The following FHIP1A variants were observed in gnomAD, a reference collection of about 807,000 sequenced individuals.
FHIP1A encodes the protein FHF complex subunit HOOK interacting protein 1A.
Under a neutral mutation model 88.6 loss-of-function variants are expected in FHIP1A, and 61 were observed. The observed-to-expected ratio is 0.69, with a 90% CI of 0.56 to 0.85. The LOEUF (loss-of-function observed/expected upper bound fraction) is 0.85, where lower values mean the gene tolerates loss of function less well. Among genes scored for constraint, FHIP1A ranks in the 40% least tolerant of loss-of-function variants. The pLI, the probability that FHIP1A is intolerant of heterozygous loss-of-function variation, is 0.00. For missense variants in FHIP1A, 1,154 were observed against 1,273.5 expected (o/e 0.91, Z 1.43); for synonymous variants, 478 against 496.0 (o/e 0.96, Z 0.48).
chr4:151,509,311 C>T (rs894117102), intron 3 of FHIP1A, among the ~76,000 whole-genome samples: 4 of 151,972 alleles, frequency 2.6e-5, no homozygotes, highest in Admixed American at 1.3e-4. Flanking sequence ...TACAGGCACC[C>T]GCCACCACAC....
intron 1 of FHIP1A, among the ~76,000 whole-genome samples, chr4:151,414,073 C>T (rs1267116926): frequency 1.1e-4 from 17 of 150,292 alleles, no homozygotes; most frequent in South Asian, 8.4e-4. Context: ...TTTTTTGAGA[C>T]GGAGTCTCAC....
At chr4:151,571,458 C>A (rs1409592718) in intron 4 of FHIP1A, among the ~76,000 whole-genome samples, 5 of 152,118 alleles carry the variant, frequency 3.3e-5, no homozygotes, top group Non-Finnish European at 1.5e-5. Flanking sequence ...AAAAACAGAA[C>A]CATCTAGATT....
intron 1 of FHIP1A, among the ~76,000 whole-genome samples, chr4:151,411,687 C>A (rs1384927520): frequency 1.3e-5 from 2 of 152,010 alleles, no homozygotes; most frequent in South Asian, 4.1e-4. Context: ...TAATAAGGAA[C>A]CTCCTTTCTC....
intron 3 of FHIP1A, among the ~76,000 whole-genome samples, chr4:151,486,830 G>C (rs1299533744): frequency 6.6e-6 from 1 of 151,912 alleles, no homozygotes; most frequent in Non-Finnish European, 1.5e-5. Flanking sequence ...AGCCGGGTGT[G>C]GTGTCAGGCA....
intron 10 of FHIP1A, among the ~76,000 whole-genome samples, chr4:151,647,481 ATATCCACCCCAACAATGTCATTC>A (rs1335524659): frequency 2.0e-5 from 3 of 152,122 alleles, no homozygotes; most frequent in African/African-American, 7.2e-5. Context: ...TTATATTCTG[ATATCCACCCCAACAATGTCATTC>A]TGTCCACCCA....
At position 151,669,339 on chromosome 4, in the gene FHIP1A, T is replaced by TAATC. The variant is rs1277023768; in HGVS notation, c.*6587_*6590dup. ...TAACAAGGGCATCTTCCTCTGGGAA[T>TAATC]AATCAGTCCTTAATACAGTTTGCAC... On this transcript the variant is annotated 3_prime_UTR_variant, in exon 14 of 14. Coordinates refer to ENST00000435205, the MANE Select transcript of FHIP1A (RefSeq NM_001109977.3). 6.6e-6 allele frequency among the ~76,000 whole-genome samples: 1 copy of TAATC among 152,232 alleles called. No individual in the cohort carries two copies. The highest frequency in any genetic ancestry group is 1.5e-5 in the Non-Finnish European group (1 of 68,038).
At chr4:151,550,629 G>C (rs2126743470) in intron 3 of FHIP1A, among the ~76,000 whole-genome samples, 1 of 152,210 alleles carries the variant, frequency 6.6e-6, no homozygotes, top group South Asian at 2.1e-4. Flanking sequence ...TGGTTTGAAG[G>C]CTTGTACCAT....
chr4:151,670,398 T>TG lies in FHIP1A; in HGVS notation c.*7649dup, dbSNP rs1737822210. On this transcript the variant is annotated 3_prime_UTR_variant, in exon 14 of 14. Coordinates refer to ENST00000435205, the MANE Select transcript of FHIP1A (RefSeq NM_001109977.3). Reference sequence around the variant, plus strand: ...TTTTTATCTTGTTTGGCCTGAGGGTTGGGGGATTTGGGGGAGTTGTCAGCT... The same window carrying TG: ...TTTTTATCTTGTTTGGCCTGAGGGTTGGGGGGATTTGGGGGAGTTGTCAGCT... The TG allele has an allele frequency of 6.6e-6, 1 of 152,174 alleles. No individual in the cohort carries two copies. The highest frequency in any genetic ancestry group is 1.5e-5 in the Non-Finnish European group (1 of 68,036). 9.4% of individuals were successfully genotyped at this position (152,174 alleles called of 1,614,324 possible).
intron 7 of FHIP1A, among the ~76,000 whole-genome samples, chr4:151,621,808 T>C (rs186100478): frequency 2.0e-3 from 307 of 151,940 alleles, no homozygotes; most frequent in Middle Eastern, 0.017. Context: ...TTTTTTTTTT[T>C]CCAGTGGATC....
chr4:151,498,690 C>A (rs754226306), intron 3 of FHIP1A, among the ~76,000 whole-genome samples: 1 of 152,160 alleles, frequency 6.6e-6, no homozygotes, highest in Non-Finnish European at 1.5e-5. Flanking sequence ...TGGTGGGTGC[C>A]TGTAGTCCCA....
chr4:151,665,524 CT>C lies in FHIP1A; in HGVS notation c.*2771del, dbSNP rs1737628186. 6.6e-6 allele frequency among the ~76,000 whole-genome samples: 1 copy of C among 152,162 alleles called. No individual in the cohort carries two copies. Among genetic ancestry groups the C allele is most frequent in the African/African-American group, 2.4e-5 (1 of 41,424 alleles). On this transcript the variant is annotated 3_prime_UTR_variant, in exon 14 of 14. Transcript: ENST00000435205. ...AGAGAGAACAGGAAAACCCATGTGGCTGGGTGAAATAACTGAGAGTGGGTTA... is the reference window on the plus strand; with the variant it reads ...AGAGAGAACAGGAAAACCCATGTGGCGGGTGAAATAACTGAGAGTGGGTTA...
chr4:151,542,974 A>C (rs1037352451), intron 3 of FHIP1A, among the ~76,000 whole-genome samples: 16 of 152,234 alleles, frequency 1.1e-4, no homozygotes, highest in African/African-American at 3.9e-4. Context: ...ATTTAGCAAA[A>C]GGGTGAACTA....
At chr4:151,563,116 A>G (rs1201377486) in intron 3 of FHIP1A, among the ~76,000 whole-genome samples, 1 of 152,102 alleles carries the variant, frequency 6.6e-6, no homozygotes, top group Non-Finnish European at 1.5e-5. Context: ...TATATATAAT[A>G]TTAATGAGAT....
intron 5 of FHIP1A, among the ~76,000 whole-genome samples, chr4:151,580,210 A>G (rs1253664797): frequency 6.6e-6 from 1 of 152,156 alleles, no homozygotes; most frequent in Admixed American, 6.5e-5. Context: ...TGACTTTTTA[A>G]GAGACCAAGC....
At chr4:151,510,677 TG>T (rs1205805137) in intron 3 of FHIP1A, among the ~76,000 whole-genome samples, 1 of 152,174 alleles carries the variant, frequency 6.6e-6, no homozygotes, top group African/African-American at 2.4e-5. Flanking sequence ...AATCTAGCAG[TG>T]GGTTTTAGTG....
intron 3 of FHIP1A, among the ~76,000 whole-genome samples, chr4:151,556,377 T>C (rs1697493843): frequency 6.6e-6 from 1 of 152,194 alleles, no homozygotes; most frequent in Admixed American, 6.5e-5. Flanking sequence ...ATGTTTATTA[T>C]TGAATTCTAA....
intron 3 of FHIP1A, among the ~76,000 whole-genome samples, chr4:151,554,436 G>A (rs1732866766): frequency 6.6e-6 from 1 of 152,154 alleles, no homozygotes. Context: ...AAGGAGACCA[G>A]ACTCTGGTTC....
intron 7 of FHIP1A, among the ~76,000 whole-genome samples, chr4:151,628,796 C>T (rs1164740248): frequency 1.3e-5 from 2 of 151,972 alleles, no homozygotes; most frequent in African/African-American, 2.4e-5. Flanking sequence ...TATGCTTCTG[C>T]GGGGCAATTG....
rs77368854 is a variant in FHIP1A at position 151,540,389 on chromosome 4, A to G, written c.-122-25749A>G. 3.9e-4 allele frequency among the ~76,000 whole-genome samples: 60 copies of G among 152,296 alleles called. No individual in the cohort carries two copies. The East Asian group carries it at 0.011, about 28-fold the overall frequency. ...AGCGGACTATCCAGAAATACCTCAT[A>G]TATTTTTTTAAGTTTGATCCTTTCA... On this transcript the variant is annotated intron_variant, in intron 3 of 13. Transcript: ENST00000435205.
Sources: gnomAD v4.1 joint callset for allele counts (sites outside exome capture counted in the v4.1 genomes callset) on GRCh38, gnomAD v4.1.1 for gene constraint, MANE v1.5 for transcripts, NCBI Gene and HGNC (gene_info 2026-07-23, HGNC 2026-07-21) for gene names.